The following TRAPPC9 variants were observed in gnomAD, a reference collection of about 807,000 sequenced individuals.
The protein encoded by TRAPPC9 is trafficking protein particle complex subunit 9, also known as IKK2 binding protein.
Under a neutral mutation model 124.0 loss-of-function variants are expected in TRAPPC9, and 83 were observed. The ratio of observed to expected loss-of-function variants is 0.67; its 90% CI spans 0.56 to 0.80. The LOEUF is 0.80. TRAPPC9 is among the 30% of genes least tolerant of loss of function. The pLI is 0.00. For synonymous variants in TRAPPC9, 638 were observed against 617.5 expected, an observed-to-expected ratio of 1.03 and a Z score of -0.49; for missense variants, 1,302 against 1,508.3, an observed-to-expected ratio of 0.86 and a Z score of 2.27.
At chr8:140,172,744 T>C (rs1286668947) in intron 17 of TRAPPC9, among the ~76,000 whole-genome samples, 1 of 152,194 alleles carries the variant, frequency 6.6e-6, no homozygotes, top group Non-Finnish European at 1.5e-5. Context: ...CATTACCTAT[T>C]ACTATGATTA....
chr8:140,101,230 C>T (rs914817945), intron 17 of TRAPPC9, among the ~76,000 whole-genome samples: 1 of 152,138 alleles, frequency 6.6e-6, no homozygotes, highest in African/African-American at 2.4e-5. Context: ...GCCTCTGCCT[C>T]CCAGATTCAA....
chr8:140,280,180 C>A (rs6578091), intron 14 of TRAPPC9, among the ~76,000 whole-genome samples: 1 of 152,042 alleles, frequency 6.6e-6, no homozygotes, highest in Non-Finnish European at 1.5e-5. Context: ...ATTTCAGCAG[C>A]CAAAGCCAGA....
chr8:139,908,165 C>T (rs1228985957), intron 20 of TRAPPC9, among the ~76,000 whole-genome samples: 1 of 151,790 alleles, frequency 6.6e-6, no homozygotes, highest in Non-Finnish European at 1.5e-5. Flanking sequence ...AGGTCAAAAT[C>T]CCAACCATCC....
intron 9 of TRAPPC9, among the ~76,000 whole-genome samples, chr8:140,321,326 T>TC (rs1282017327): frequency 6.6e-6 from 1 of 151,966 alleles, no homozygotes; most frequent in Non-Finnish European, 1.5e-5. Context: ...CAGCATGAGC[T>TC]CCCCCTCGCT....
intron 2 of TRAPPC9, among the ~76,000 whole-genome samples, chr8:140,442,033 C>T (rs187833064): frequency 1.7e-4 from 26 of 152,140 alleles, no homozygotes; most frequent in African/African-American, 5.5e-4. Context: ...GATCCTGTCC[C>T]TTAAAAAAAG....
At chr8:140,458,450 C>T, upstream of TRAPPC9, 2 of 1,576,728 alleles carry the variant, frequency 1.3e-6, no homozygotes. Context: ...GTGGCGCGCG[C>T]GGCCTGGGAG....
chr8:139,958,878 AGAGCACTGCATTCCGAGTCACACAGGG>A lies in TRAPPC9; in HGVS notation c.2810+29821_2810+29847del, dbSNP rs1563952278. On this transcript the variant is annotated intron_variant, in intron 19 of 22. Transcript: ENST00000438773. ...CATGCCAGAGATGACAGCCTGACAC[AGAGCACTGCATTCCGAGTCACACAGGG>A]GAGCACTGCATTCCGAGTCACACGG... Among the ~76,000 whole-genome samples, 813 of 136,966 alleles carry A rather than the reference AGAGCACTGCATTCCGAGTCACACAGGG, an allele frequency of 5.9e-3. 21 individuals are homozygous for A. Among genetic ancestry groups the A allele is most frequent in the African/African-American group, 0.02 (784 of 38,404 alleles). The allele number at this position is 136,966 out of a possible 152,430, so 89.9% of individuals were successfully genotyped here.
At chr8:140,121,991 T>C (rs960480501) in intron 17 of TRAPPC9, among the ~76,000 whole-genome samples, 1 of 151,736 alleles carries the variant, frequency 6.6e-6, no homozygotes, top group Non-Finnish European at 1.5e-5. Context: ...TGTAGGCTCA[T>C]GTTGCTGGAG....
At chr8:139,939,246 G>A (rs1452166434) in intron 19 of TRAPPC9, among the ~76,000 whole-genome samples, 3 of 152,226 alleles carry the variant, frequency 2.0e-5, no homozygotes, top group Admixed American at 6.5e-5. Flanking sequence ...TCCTGGAAGA[G>A]ATAACACCTC....
intron 18 of TRAPPC9, among the ~76,000 whole-genome samples, chr8:140,000,168 T>C (rs1457970184): frequency 1.3e-5 from 2 of 152,186 alleles, no homozygotes; most frequent in African/African-American, 4.8e-5. Flanking sequence ...CTGGGAAAAC[T>C]GGCTAGCCAT....
chr8:140,078,225 C>A (rs1843621315), intron 17 of TRAPPC9, among the ~76,000 whole-genome samples: 1 of 152,184 alleles, frequency 6.6e-6, no homozygotes, highest in South Asian at 2.1e-4. Flanking sequence ...AAGAACTTTT[C>A]AGAGAACATT....
At chr8:140,209,199 C>T (rs940304091) in intron 17 of TRAPPC9, among the ~76,000 whole-genome samples, 1 of 152,172 alleles carries the variant, frequency 6.6e-6, no homozygotes, top group African/African-American at 2.4e-5. Context: ...GAGTCACTCC[C>T]GTGTCTTTCC....
chr8:139,911,064 C>A (rs1021398824), intron 19 of TRAPPC9, among the ~76,000 whole-genome samples: 1 of 152,078 alleles, frequency 6.6e-6, no homozygotes, highest in Non-Finnish European at 1.5e-5. Flanking sequence ...TCTATCCCCA[C>A]CCAAATCTCA....
intron 9 of TRAPPC9, among the ~76,000 whole-genome samples, chr8:140,338,458 A>G (rs1399672107): frequency 1.3e-5 from 2 of 152,192 alleles, no homozygotes; most frequent in South Asian, 4.1e-4. Context: ...GACAGACGAG[A>G]CCATGGTGCA....
intron 17 of TRAPPC9, among the ~76,000 whole-genome samples, chr8:140,052,659 G>A (rs544950954): frequency 3.6e-4 from 55 of 152,168 alleles, no homozygotes; most frequent in Middle Eastern, 3.4e-3. Flanking sequence ...GCACACATCT[G>A]TAATCCCAGC....
chr8:140,064,421 T>G (rs1441459848), intron 17 of TRAPPC9, among the ~76,000 whole-genome samples: 1 of 152,040 alleles, frequency 6.6e-6, no homozygotes, highest in African/African-American at 2.4e-5. Context: ...ACGGATGAAA[T>G]ATAAAGGCTC....
chr8:140,155,727 G>A (rs1587822557), intron 17 of TRAPPC9, among the ~76,000 whole-genome samples: 1 of 152,296 alleles, frequency 6.6e-6, no homozygotes, highest in East Asian at 1.9e-4. Flanking sequence ...GTCCAAAAAA[G>A]CAGGATAGCT....
At chr8:139,958,910 A>C (rs1487808258) in intron 19 of TRAPPC9, among the ~76,000 whole-genome samples, 3,373 of 70,828 alleles carry the variant, frequency 0.048, 122 homozygotes, top group Middle Eastern at 0.07. Context: ...ACAGGGGAGC[A>C]CTGCATTCCG....
intron 14 of TRAPPC9, among the ~76,000 whole-genome samples, chr8:140,281,720 T>C (rs1450401140): frequency 2.0e-5 from 3 of 152,204 alleles, no homozygotes; most frequent in Admixed American, 6.5e-5. Flanking sequence ...AAAAGTTATA[T>C]ATTTTCAGCT....
Sources: allele counts gnomAD v4.1 joint callset (sites outside exome capture counted in the v4.1 genomes callset), GRCh38; gene constraint gnomAD v4.1.1; transcripts MANE v1.5; gene names NCBI Gene and HGNC (gene_info 2026-07-23, HGNC 2026-07-21).